Variants in SRGAP2 observed in about 807,000 individuals in gnomAD.
SRGAP2 encodes the protein SLIT-ROBO Rho GTPase-activating protein 2.
Under a neutral mutation model 57.2 loss-of-function variants are expected in SRGAP2, and 15 were observed. The ratio of observed to expected loss-of-function variants is 0.26; its 90% CI spans 0.18 to 0.40. The LOEUF (loss-of-function observed/expected upper bound fraction) is 0.40. Ranked by LOEUF, SRGAP2 falls within the 10% of genes least tolerant of loss-of-function variation. SRGAP2 has a pLI of 1.00. For missense variants in SRGAP2, 520 were observed against 669.6 expected (o/e 0.78, Z 2.47); for synonymous variants, 249 against 248.0 (o/e 1.00, Z -0.04).
In SRGAP2 at chr1:206,462,324, A is replaced by G. The variant is rs1253628617; in HGVS notation, c.*904A>G. 4 of 152,556 alleles carry G rather than the reference A, an allele frequency of 2.6e-5. No homozygotes were observed. The highest frequency in any genetic ancestry group is 5.9e-5 in the Non-Finnish European group (4 of 68,018). The allele number at this position is 152,556 out of a possible 1,614,324, so 9.5% of individuals were successfully genotyped here. On this transcript the variant is annotated 3_prime_UTR_variant, in exon 23 of 23. Coordinates refer to ENST00000573034, the MANE Select transcript of SRGAP2 (RefSeq NM_015326.5). ...TGATGGACCATTTTCCATTTAAGACATTTTCCTGTATAAGACAGTTTTATA... is the reference window on the plus strand; with the variant it reads ...TGATGGACCATTTTCCATTTAAGACGTTTTCCTGTATAAGACAGTTTTATA...
At position 206,283,651 on chromosome 1, in the gene SRGAP2, G is replaced by A. The variant is rs1248035141; in HGVS notation, c.68-19630G>A. Among the ~76,000 whole-genome samples, 101 of 151,980 alleles carry A rather than the reference G, an allele frequency of 6.6e-4. 1 individual carries two copies. Among genetic ancestry groups the A allele is most frequent in the Non-Finnish European group, 1.0e-3 (69 of 67,962 alleles). ...AGATCATGCCACTGTACTCCAGCCTGGGCTTCCAAGTGAGACTCTGTCTCA... is the reference window on the plus strand; with the variant it reads ...AGATCATGCCACTGTACTCCAGCCTAGGCTTCCAAGTGAGACTCTGTCTCA... On this transcript the variant is annotated intron_variant, in intron 2 of 22. Transcript: ENST00000573034.
At chr1:206,306,344 G>A (rs1672196117) in intron 3 of SRGAP2, among the ~76,000 whole-genome samples, 1 of 152,102 alleles carries the variant, frequency 6.6e-6, no homozygotes, top group Admixed American at 6.5e-5. Flanking sequence ...GACCTTCACG[G>A]TGAGTGTTAC....
intron 2 of SRGAP2, among the ~76,000 whole-genome samples, chr1:206,240,110 A>G (rs1553308821): frequency 6.6e-6 from 1 of 151,942 alleles, no homozygotes; most frequent in African/African-American, 2.4e-5. Flanking sequence ...CTAAAAATAC[A>G]AAAAAATTAG....
At chr1:206,262,308 T>G (rs1410145626) in intron 2 of SRGAP2, among the ~76,000 whole-genome samples, 3 of 150,190 alleles carry the variant, frequency 2.0e-5, no homozygotes, top group Admixed American at 1.3e-4. Context: ...TTTTTGTTTT[T>G]TTTTTTTGAA....
intron 14 of SRGAP2, among the ~76,000 whole-genome samples, chr1:206,435,113 C>G (rs1553369553): frequency 6.6e-6 from 1 of 152,146 alleles, no homozygotes; most frequent in Non-Finnish European, 1.5e-5. Flanking sequence ...TCTGGAGATT[C>G]CTTTATAGGA....
chr1:206,401,271 C>G, intron 7 of SRGAP2, 150 bp from the exon 8 acceptor site: 1 of 709,994 alleles, frequency 1.4e-6, no homozygotes, highest in South Asian at 1.5e-5. Context: ...AGAACTCTCA[C>G]CCAGACCTTG....
chr1:206,367,539 AATG>A (rs1553341869), intron 4 of SRGAP2, among the ~76,000 whole-genome samples: 1 of 142,992 alleles, frequency 7.0e-6, no homozygotes, highest in Admixed American at 7.2e-5. Flanking sequence ...AGTGAATGAA[AATG>A]ATTTCAGTAA....
At chr1:206,437,566 T>A in intron 15 of SRGAP2, 1 of 193,156 alleles carries the variant, frequency 5.2e-6, no homozygotes, top group Non-Finnish European at 1.1e-5. Context: ...TGTTCTTGGT[T>A]GCAGGCCAGG....
At chr1:206,326,579 C>T (rs1305789533) in intron 3 of SRGAP2, among the ~76,000 whole-genome samples, 4 of 152,192 alleles carry the variant, frequency 2.6e-5, no homozygotes, top group African/African-American at 7.2e-5. Flanking sequence ...AATAAGAAAA[C>T]GGTTACTAGT....
At chr1:206,311,089 G>A (rs1251210588) in intron 3 of SRGAP2, among the ~76,000 whole-genome samples, 29 of 148,560 alleles carry the variant, frequency 2.0e-4, no homozygotes, top group African/African-American at 7.0e-4. Context: ...TTTTTTAAAG[G>A]TGCACTCTGG....
intron 2 of SRGAP2, 121 bp from the exon 3 acceptor site, chr1:206,303,160 T>C (rs1671973980): frequency 2.0e-6 from 1 of 505,700 alleles, no homozygotes; most frequent in Non-Finnish European, 3.5e-6. Flanking sequence ...GCTTTTTTGT[T>C]CAGGGCTTTC....
chr1:206,371,576 A>G (rs1377576780), intron 4 of SRGAP2, among the ~76,000 whole-genome samples: 2 of 150,286 alleles, frequency 1.3e-5, no homozygotes, highest in Admixed American at 1.3e-4. Flanking sequence ...TAAAAATACA[A>G]AAAAATTAGC....
intron 2 of SRGAP2, among the ~76,000 whole-genome samples, chr1:206,302,633 T>G (rs1671938276): frequency 6.6e-6 from 1 of 152,264 alleles, no homozygotes; most frequent in Admixed American, 6.5e-5. Flanking sequence ...GTGAATGGTT[T>G]GCCTGCCCAG....
At chr1:206,257,889 G>T (rs1464547399) in intron 2 of SRGAP2, among the ~76,000 whole-genome samples, 36 of 149,110 alleles carry the variant, frequency 2.4e-4, no homozygotes, top group Admixed American at 5.3e-4. Flanking sequence ...GGCAGTGAAG[G>T]CCTCTCTGAG....
intron 10 of SRGAP2, among the ~76,000 whole-genome samples, chr1:206,410,585 A>G (rs1485922801): frequency 7.2e-5 from 11 of 152,214 alleles, no homozygotes; most frequent in Non-Finnish European, 1.6e-4. Context: ...ATACCCTTTA[A>G]TATGATAAAT....
At chr1:206,301,143 C>T (rs1385091975) in intron 2 of SRGAP2, among the ~76,000 whole-genome samples, 2 of 152,124 alleles carry the variant, frequency 1.3e-5, no homozygotes, top group African/African-American at 4.8e-5. Context: ...GCCATTCTCC[C>T]GCCTCAGCCT....
At chr1:206,413,133 G>A (rs1437058907) in intron 10 of SRGAP2, among the ~76,000 whole-genome samples, 4 of 152,332 alleles carry the variant, frequency 2.6e-5, no homozygotes, top group Admixed American at 2.0e-4. Flanking sequence ...GTAGTGAGAG[G>A]AAGGAATTTG....
At chr1:206,371,189 A>T (rs1181596892) in intron 4 of SRGAP2, among the ~76,000 whole-genome samples, 1 of 136,786 alleles carries the variant, frequency 7.3e-6, no homozygotes, top group Non-Finnish European at 1.6e-5. Flanking sequence ...AGCATGGTTG[A>T]CAGCTGACTT....
chr1:206,257,231 G>A lies in SRGAP2; in HGVS notation c.68-46050G>A, dbSNP rs1237117647. Reference sequence around the variant, plus strand: ...CTGTCGCCCAGGCTTGAGTGCAGTAGTGTGATCATAGCTCACTGTAACCTC... The same window carrying A: ...CTGTCGCCCAGGCTTGAGTGCAGTAATGTGATCATAGCTCACTGTAACCTC... On this transcript the variant is annotated intron_variant, in intron 2 of 22. Transcript: ENST00000573034. 4.7e-5 allele frequency among the ~76,000 whole-genome samples: 3 copies of A among 64,314 alleles called. 1 individual carries two copies. Among genetic ancestry groups the A allele is most frequent in the Non-Finnish European group, 8.8e-5 (3 of 34,104 alleles). The allele number at this position is 64,314 out of a possible 152,430, so 42.2% of individuals were successfully genotyped here.
Sources: gnomAD v4.1 joint callset for allele counts (sites outside exome capture counted in the v4.1 genomes callset) on GRCh38, gnomAD v4.1.1 for gene constraint, MANE v1.5 for transcripts, NCBI Gene and HGNC (gene_info 2026-07-23, HGNC 2026-07-21) for gene names.